Variants in TLN2 observed in about 807,000 individuals in gnomAD.
The protein encoded by TLN2 is talin 2, also known as talin-2.
Under a neutral mutation model 294.7 loss-of-function variants are expected in TLN2, and 118 were observed. The observed-to-expected ratio is 0.40, with a 90% CI of 0.34 to 0.47. The LOEUF is 0.47. TLN2 is among the 20% of genes least tolerant of loss of function. TLN2 has a pLI of 0.84. For synonymous variants in TLN2, 1,431 were observed against 1,304.5 expected, an observed-to-expected ratio of 1.10 and a Z score of -2.09; for missense variants, 3,083 against 3,282.2, an observed-to-expected ratio of 0.94 and a Z score of 1.48.
intron 43 of TLN2, among the ~76,000 whole-genome samples, chr15:62,778,377 C>T (rs2063868491): frequency 6.6e-6 from 1 of 152,204 alleles, no homozygotes; most frequent in African/African-American, 2.4e-5. Flanking sequence ...GACATCAGAA[C>T]ACCAGAGCTT....
intron 1 of TLN2, among the ~76,000 whole-genome samples, chr15:62,568,490 A>G (rs951071192): frequency 2.0e-5 from 3 of 152,268 alleles, no homozygotes; most frequent in African/African-American, 7.2e-5. Context: ...ACTCAAACTC[A>G]GAAGACTCAC....
At chr15:62,643,949 T>C (rs1397530753) in intron 3 of TLN2, among the ~76,000 whole-genome samples, 1 of 152,170 alleles carries the variant, frequency 6.6e-6, no homozygotes, top group East Asian at 1.9e-4. Context: ...ACCATGTCTA[T>C]GTAGATAACT....
intron 1 of TLN2, among the ~76,000 whole-genome samples, chr15:62,535,492 C>CACA (rs771342181): frequency 2.3e-3 from 309 of 136,258 alleles, no homozygotes; most frequent in Non-Finnish European, 3.4e-3. Context: ...ACACACACAC[C>CACA]CCTCTCTCTC....
rs1161117877 is a variant in TLN2, at chr15:62,692,951, A to G, written c.1215+10A>G. 1.3e-6 allele frequency: 2 copies of G among 1,597,534 alleles called. No homozygotes were observed. Among genetic ancestry groups the G allele is most frequent in the South Asian group, 1.1e-5 (1 of 87,640 alleles). ...CATCATCCTGAAAAAGGTATTTTGT[A>G]TTGATGCAAATTGGAAAAGCAAGAC... On this transcript the variant is annotated intron_variant, in intron 13 of 58. Coordinates refer to ENST00000636159, the MANE Select transcript of TLN2 (RefSeq NM_015059.3).
chr15:62,392,083 C>T lies in TLN2; in HGVS notation c.-238+1398C>T, dbSNP rs149248291. On this transcript the variant is annotated intron_variant, in intron 1 of 58. Coordinates refer to ENST00000636159, the MANE Select transcript of TLN2 (RefSeq NM_015059.3). ...CCGAACAGCCTGAGCTTCCAGTCGC[C>T]TCTTTGGCTTTAGCGGCGACAGCAG... Among the ~76,000 whole-genome samples, 46 of 152,388 alleles carry T rather than the reference C, an allele frequency of 3.0e-4. No individual in the cohort carries two copies. The East Asian group carries it at 8.9e-3, about 29-fold the overall frequency.
chr15:62,800,365 C>A lies in TLN2; in HGVS notation c.6235-3C>A, dbSNP rs2065849410. ...CTCACCTGAGTTCTGTGCTCTCTTT[C>A]AGGTGGTTTTGATCAATGCCATCAA... On this transcript the variant is annotated splice_polypyrimidine_tract_variant and splice_region_variant and intron_variant, in intron 48 of 58. Coordinates refer to ENST00000636159, the MANE Select transcript of TLN2 (RefSeq NM_015059.3). 1 of 1,613,464 alleles carries A rather than the reference C, an allele frequency of 6.2e-7. No individual in the cohort carries two copies. Among genetic ancestry groups the A allele is most frequent in the African/African-American group, 1.3e-5 (1 of 75,032 alleles).
At chr15:62,726,561 T>C (rs896259628) in intron 27 of TLN2, among the ~76,000 whole-genome samples, 7 of 152,196 alleles carry the variant, frequency 4.6e-5, no homozygotes, top group African/African-American at 1.4e-4. Context: ...TCTATTTCTA[T>C]TGCATTTCCT....
intron 9 of TLN2, among the ~76,000 whole-genome samples, chr15:62,658,354 A>G (rs1162054522): frequency 6.6e-6 from 1 of 152,106 alleles, no homozygotes; most frequent in Non-Finnish European, 1.5e-5. Flanking sequence ...CAGGGAGAGG[A>G]TAACGGAGAG....
chr15:62,820,448 C>T, intron 53 of TLN2, 38 bp from the exon 54 acceptor site: 2 of 1,608,814 alleles, frequency 1.2e-6, no homozygotes, highest in Non-Finnish European at 1.7e-6. Context: ...CTGAGGTCTG[C>T]AGCTATGAAG....
chr15:62,491,301 T>G (rs1196374978), intron 1 of TLN2, among the ~76,000 whole-genome samples: 1 of 148,286 alleles, frequency 6.7e-6, no homozygotes, highest in African/African-American at 2.5e-5. Flanking sequence ...CACTCCAGTC[T>G]GAGTGACAGA....
chr15:62,643,788 G>C (rs915878581), intron 3 of TLN2, among the ~76,000 whole-genome samples: 2 of 152,042 alleles, frequency 1.3e-5, no homozygotes, highest in African/African-American at 4.8e-5. Context: ...CTGCACCCAG[G>C]GTCCTTTCCG....
At chr15:62,574,097 A>G (rs970081076) in intron 1 of TLN2, among the ~76,000 whole-genome samples, 1 of 151,384 alleles carries the variant, frequency 6.6e-6, no homozygotes, top group African/African-American at 2.4e-5. Context: ...AAGCTGCTTA[A>G]CTCTCAACTC....
At chr15:62,608,803 C>T (rs947598159) in intron 2 of TLN2, among the ~76,000 whole-genome samples, 4 of 151,974 alleles carry the variant, frequency 2.6e-5, no homozygotes, top group Admixed American at 6.6e-5. Flanking sequence ...AATGCAAGTC[C>T]TGAGGGTACA....
chr15:62,792,557 T>C (rs187070266), intron 45 of TLN2, 84 bp from the exon 46 acceptor site: 1 of 1,549,434 alleles, frequency 6.5e-7, no homozygotes, highest in Non-Finnish European at 8.7e-7. Flanking sequence ...CCATAGGACA[T>C]AGGAGAAATT....
chr15:62,781,588 C>T (rs1471791112), intron 44 of TLN2, among the ~76,000 whole-genome samples: 4 of 152,014 alleles, frequency 2.6e-5, no homozygotes, highest in East Asian at 1.9e-4. Flanking sequence ...ATTCACCTCA[C>T]GAAGGACTTG....
intron 48 of TLN2, 104 bp downstream of exon 48, chr15:62,797,506 C>G: frequency 7.4e-7 from 1 of 1,350,304 alleles, no homozygotes; most frequent in South Asian, 1.5e-5. Context: ...TTGAAGTAGA[C>G]AATGTGTGTG....
chr15:62,739,588 C>G, intron 31 of TLN2, 43 bp downstream of exon 31: 1 of 1,604,178 alleles, frequency 6.2e-7, no homozygotes, highest in Non-Finnish European at 8.5e-7. Context: ...TTAGCCTCTC[C>G]TCTCGGATGG....
chr15:62,787,692 T>G (rs2064781816), intron 45 of TLN2, among the ~76,000 whole-genome samples: 1 of 123,618 alleles, frequency 8.1e-6, no homozygotes, highest in South Asian at 2.7e-4. Context: ...AAACTCCTTA[T>G]CTTTTTTTTT....
intron 3 of TLN2, chr15:62,640,051 G>A (rs2050835467): frequency 2.4e-6 from 1 of 417,348 alleles, no homozygotes; most frequent in Non-Finnish European, 4.8e-6. Context: ...CAAGCTTCAG[G>A]GTACCTGAGC....
Sources: allele counts gnomAD v4.1 joint callset (sites outside exome capture counted in the v4.1 genomes callset), GRCh38; gene constraint gnomAD v4.1.1; transcripts MANE v1.5; gene names NCBI Gene and HGNC (gene_info 2026-07-23, HGNC 2026-07-21).